Variants in SF1 observed in about 807,000 individuals in gnomAD.
SF1 encodes the protein branch point-binding protein.
SF1 carries 7 observed loss-of-function variants against 62.5 expected under a neutral mutation model. The observed-to-expected ratio is 0.11, with a 90% CI of 0.06 to 0.21. SF1 has a LOEUF of 0.21. Among genes scored for constraint, SF1 ranks in the 10% least tolerant of loss-of-function variants. The pLI, the probability that SF1 is intolerant of heterozygous loss-of-function variation, is 1.00. For missense variants in SF1, 578 were observed against 884.0 expected, an observed-to-expected ratio of 0.65 and a Z score of 4.39; for synonymous variants, 394 against 323.6, an observed-to-expected ratio of 1.22 and a Z score of -2.33.
chr11:64,772,238 A>C (rs1005316970), intron 3 of SF1: 4 of 985,000 alleles, frequency 4.1e-6, no homozygotes, highest in African/African-American at 1.7e-5. Flanking sequence ...GGAGGAATTG[A>C]CTGGTGACCT....
At chr11:64,778,014 G>A in intron 1 of SF1, 3 of 1,004,634 alleles carry the variant, frequency 3.0e-6, no homozygotes, top group Non-Finnish European at 3.6e-6. Context: ...GGGCCCGGCT[G>A]CTGGTCCTTA....
At chr11:64,777,474 C>T in intron 1 of SF1, 2 of 983,632 alleles carry the variant, frequency 2.0e-6, no homozygotes, top group Non-Finnish European at 2.4e-6. Flanking sequence ...AGATCAGACC[C>T]AACCATCATC....
Position 64,768,109 on chromosome 11 carries a change from TGGA to T in SF1, c.1062_1064del (p.Pro356del). The T allele has an allele frequency of 1.2e-6, 2 of 1,608,078 alleles. No individual in the cohort carries two copies. The highest frequency in any genetic ancestry group is 1.7e-6 in the Non-Finnish European group (2 of 1,177,122). ...GAGAGCCAGCCCCCAGGCTCACCGG[TGGA>T]GGTGGGTTGTTGGCGGGAGCAGCAG... On this transcript the variant is annotated inframe_deletion, in exon 9 of 13. Coordinates refer to ENST00000377390, the MANE Select transcript of SF1 (RefSeq NM_004630.4).
Position 64,764,620 on chromosome 11 carries a change from C to A in SF1, c.*1198G>T, listed in dbSNP as rs751124673. On this transcript the variant is annotated 3_prime_UTR_variant, in exon 13 of 13. Transcript: ENST00000377390. The stretch of plus-strand genomic sequence containing the variant: ...AAAGAAGCAGACCCAGAAAACCACA[C>A]TGCTCTTTTATTCAATGGAACATCC... The A allele has an allele frequency of 1.3e-5, 2 of 152,576 alleles. No homozygotes were observed. The highest frequency in any genetic ancestry group is 2.4e-5 in the African/African-American group (1 of 41,462). The allele number at this position is 152,576 out of a possible 1,614,324, so 9.5% of individuals were successfully genotyped here.
intron 8 of SF1, 27 bp downstream of exon 8, chr11:64,768,993 CCA>C: frequency 6.7e-7 from 1 of 1,497,022 alleles, no homozygotes; most frequent in Non-Finnish European, 9.3e-7. Flanking sequence ...TCGCAGGCTA[CCA>C]GGAAACCGCA....
chr11:64,771,445 G>A (rs1938309195), intron 3 of SF1: 2 of 984,930 alleles, frequency 2.0e-6, no homozygotes, highest in Non-Finnish European at 2.4e-6. Flanking sequence ...CATACTGAAA[G>A]TAATCAAGAC....
At chr11:64,771,702 G>A (rs916868440) in intron 3 of SF1, 3 of 985,246 alleles carry the variant, frequency 3.0e-6, no homozygotes, top group Non-Finnish European at 3.6e-6. Context: ...CAGCTCATTA[G>A]ACTACCATCT....
chr11:64,777,664 C>T (rs1939535642), intron 1 of SF1: 7 of 985,462 alleles, frequency 7.1e-6, no homozygotes, highest in Non-Finnish European at 7.2e-6. Flanking sequence ...GCGCTGAACA[C>T]CCGCCACCCC....
rs1208325707 is a variant in SF1 at position 64,778,322 on chromosome 11, G to GGCCCGGGGAGCGGGGGCA, written c.31+22_31+39dup. On this transcript the variant is annotated intron_variant, in intron 1 of 12. Coordinates refer to ENST00000377390, the MANE Select transcript of SF1 (RefSeq NM_004630.4). Reference sequence around the variant, plus strand: ...AGGGCCCGGCTCGAAGCCTCCTTTGGGCCCGGGGAGCGGGGGCAGCCCGGG... The same window carrying GGCCCGGGGAGCGGGGGCA: ...AGGGCCCGGCTCGAAGCCTCCTTTGGGCCCGGGGAGCGGGGGCAGCCCGGGGAGCGGGGGCAGCCCGGG... 3 of 1,223,944 alleles carry GGCCCGGGGAGCGGGGGCA rather than the reference G, an allele frequency of 2.5e-6. No homozygotes were observed. The African/African-American group carries it at 4.7e-5, about 19-fold the overall frequency. The allele number at this position is 1,223,944 out of a possible 1,614,324, so 75.8% of individuals were successfully genotyped here. A position where few individuals can be genotyped will look rare whatever the true frequency, so the allele number is the denominator to read the frequency against.
chr11:64,778,125 G>T, intron 1 of SF1: 1 of 851,544 alleles, frequency 1.2e-6, no homozygotes, highest in Non-Finnish European at 1.4e-6. Context: ...CCGGGGGACG[G>T]TGGCGGTGGA....
intron 1 of SF1, 165 bp downstream of exon 1, chr11:64,778,197 C>T: frequency 9.3e-7 from 1 of 1,074,690 alleles, no homozygotes; most frequent in Non-Finnish European, 1.2e-6. Flanking sequence ...GGCAGCGCCG[C>T]GAAGGGGAAG....
intron 12 of SF1, chr11:64,766,438 C>T (rs1205279869): frequency 3.9e-6 from 2 of 515,348 alleles, no homozygotes; most frequent in Non-Finnish European, 3.4e-6. Context: ...GCTCTGATGT[C>T]CCTCCGCCCA....
chr11:64,776,736 G>C, intron 1 of SF1, 110 bp from the exon 2 acceptor site: 1 of 1,049,368 alleles, frequency 9.5e-7, no homozygotes, highest in African/African-American at 1.7e-5. Context: ...GAAGCTGAGA[G>C]CTTAACCTAA....
chr11:64,767,339 AC>A (rs2058750928), intron 10 of SF1, 88 bp from the exon 11 acceptor site: 2 of 1,334,364 alleles, frequency 1.5e-6, no homozygotes, highest in African/African-American at 1.4e-5. Context: ...TGCTATCCTT[AC>A]GCGAGTTCTG....
In SF1 at chr11:64,767,752, A is replaced by G. The variant is rs779247456; in HGVS notation, c.1161T>C (p.Pro387=). The G allele has an allele frequency of 2.3e-5, 37 of 1,613,258 alleles. No individual in the cohort carries two copies. The highest frequency in any genetic ancestry group is 3.1e-5 in the Non-Finnish European group (37 of 1,179,600). Residue 387 remains proline, a synonymous_variant, in exon 10 of 13, where the codon CCT becomes CCC. Coordinates refer to ENST00000377390, the MANE Select transcript of SF1 (RefSeq NM_004630.4). ...TGTGGGGGCCACCTCCGGGCCCACC[A>G]GGACCACCTCCATGCATGCCGTGGT... is the stretch of plus-strand genomic sequence containing the variant. ...RPYHGMHGGG[P]GGPGGGPHSF...
rs2058562614 is a variant in SF1 at position 64,765,286 on chromosome 11, G to A, written c.*532C>T. 1.6e-6 allele frequency: 1 copy of A among 609,022 alleles called. No homozygotes were observed. The highest frequency in any genetic ancestry group is 3.0e-6 in the Non-Finnish European group (1 of 336,102). 37.7% of individuals were successfully genotyped at this position (609,022 alleles called of 1,614,324 possible). A position where few individuals can be genotyped will look rare whatever the true frequency, so the allele number is the denominator to read the frequency against. On this transcript the variant is annotated 3_prime_UTR_variant, in exon 13 of 13. Transcript: ENST00000377390. Reference sequence around the variant, plus strand: ...GAGAGCATCTCCTTGGACGGAGTCTGAAGAAAGGAAAAGATAAAGAAGTAA... The same window carrying A: ...GAGAGCATCTCCTTGGACGGAGTCTAAAGAAAGGAAAAGATAAAGAAGTAA...
At chr11:64,777,607 G>C in intron 1 of SF1, 1 of 985,492 alleles carries the variant, frequency 1.0e-6, no homozygotes, top group Non-Finnish European at 1.2e-6. Flanking sequence ...ACGTCATCAG[G>C]TGAGGCTTTC....
At chr11:64,767,345 G>C (rs1389333387) in intron 10 of SF1, 94 bp from the exon 11 acceptor site, 7 of 1,306,754 alleles carry the variant, frequency 5.4e-6, no homozygotes, top group African/African-American at 1.5e-5. Flanking sequence ...CCTTACGCGA[G>C]TTCTGAAAAC....
intron 1 of SF1, chr11:64,778,038 G>A (rs897698330): frequency 1.3e-5 from 13 of 1,011,570 alleles, no homozygotes; most frequent in East Asian, 9.7e-5. Flanking sequence ...GGCGGCTGGG[G>A]TGGCGGCGGC....
Sources: allele counts gnomAD v4.1 joint callset, GRCh38; gene constraint gnomAD v4.1.1; transcripts MANE v1.5; gene names NCBI Gene and HGNC (gene_info 2026-07-23, HGNC 2026-07-21).